The following NALCN variants were observed in gnomAD, a reference collection of about 807,000 sequenced individuals.
The protein encoded by NALCN is sodium leak channel NALCN.
A neutral mutation model predicts 225.3 loss-of-function variants in NALCN; 111 were observed. The observed-to-expected ratio is 0.49, with a 90% CI of 0.42 to 0.58. NALCN has a LOEUF of 0.58. Ranked by LOEUF, NALCN falls within the 20% of genes least tolerant of loss-of-function variation. NALCN has a pLI of 0.00. For synonymous variants in NALCN, 764 were observed against 769.0 expected, an observed-to-expected ratio of 0.99 and a Z score of 0.11; for missense variants, 1,378 against 2,202.4, an observed-to-expected ratio of 0.63 and a Z score of 7.49.
chr13:101,399,009 A>C lies in NALCN; in HGVS notation c.108+10T>G. 6.6e-7 allele frequency: 1 copy of C among 1,510,026 alleles called. No individual in the cohort carries two copies. Among genetic ancestry groups the C allele is most frequent in the Middle Eastern group, 1.7e-4 (1 of 5,854 alleles). 93.5% of individuals were successfully genotyped at this position (1,510,026 alleles called of 1,614,324 possible). ...ACATATGCTTCTCCATACTCAAAGA[A>C]GAAACTTACTGGTTTGTTAATCCAG... On this transcript the variant is annotated intron_variant, in intron 2 of 43. Coordinates refer to ENST00000251127, the MANE Select transcript of NALCN (RefSeq NM_052867.4).
At chr13:101,107,431 C>G in intron 22 of NALCN, 56 bp downstream of exon 22, 1 of 1,611,534 alleles carries the variant, frequency 6.2e-7, no homozygotes, top group Non-Finnish European at 8.5e-7. Flanking sequence ...TATGACAACA[C>G]CCCTGCTGTT....
chr13:101,168,950 C>T (rs1158408904), intron 15 of NALCN, among the ~76,000 whole-genome samples: 2 of 152,194 alleles, frequency 1.3e-5, no homozygotes, highest in Admixed American at 6.5e-5. Flanking sequence ...TCCTCCAACC[C>T]TCTTCACCTG....
At chr13:101,337,853 C>A (rs1202474398) in intron 7 of NALCN, among the ~76,000 whole-genome samples, 2 of 152,134 alleles carry the variant, frequency 1.3e-5, no homozygotes, top group East Asian at 3.9e-4. Flanking sequence ...CCTCAGCACA[C>A]GGGGCAGCAA....
At chr13:101,340,375 A>G (rs1424545733) in intron 7 of NALCN, among the ~76,000 whole-genome samples, 1 of 152,216 alleles carries the variant, frequency 6.6e-6, no homozygotes, top group Non-Finnish European at 1.5e-5. Flanking sequence ...AGGGAATCAT[A>G]TCAGATGCAG....
At chr13:101,070,595 A>C (rs1314153798) in intron 37 of NALCN, among the ~76,000 whole-genome samples, 1 of 152,222 alleles carries the variant, frequency 6.6e-6, no homozygotes, top group Non-Finnish European at 1.5e-5. Flanking sequence ...ACATCTCCTG[A>C]TACAGCTCTT....
At chr13:101,230,911 G>A (rs963152523) in intron 12 of NALCN, among the ~76,000 whole-genome samples, 35 of 152,098 alleles carry the variant, frequency 2.3e-4, no homozygotes, top group African/African-American at 7.5e-4. Flanking sequence ...TATGGGCCAC[G>A]TATAGGATGG....
intron 7 of NALCN, among the ~76,000 whole-genome samples, chr13:101,328,446 G>C (rs2139223463): frequency 6.6e-6 from 1 of 151,986 alleles, no homozygotes; most frequent in Admixed American, 6.6e-5. Context: ...CAAGTAGCTG[G>C]GACCACAGGC....
chr13:101,239,610 C>G (rs1382946535), intron 11 of NALCN, among the ~76,000 whole-genome samples: 1 of 151,906 alleles, frequency 6.6e-6, no homozygotes, highest in Non-Finnish European at 1.5e-5. Context: ...AACATTTTCT[C>G]TACTAATTCA....
intron 9 of NALCN, among the ~76,000 whole-genome samples, chr13:101,290,989 C>T (rs1338603607): frequency 6.6e-6 from 1 of 152,086 alleles, no homozygotes; most frequent in Non-Finnish European, 1.5e-5. Context: ...CAAAAACACA[C>T]ACGTGAAACA....
At chr13:101,357,544 CAAAT>C (rs1264002279) in intron 6 of NALCN, among the ~76,000 whole-genome samples, 1 of 152,080 alleles carries the variant, frequency 6.6e-6, no homozygotes, top group Non-Finnish European at 1.5e-5. Context: ...ACGACACAAA[CAAAT>C]GGAAAAACAT....
intron 10 of NALCN, among the ~76,000 whole-genome samples, chr13:101,261,421 C>T (rs1347939825): frequency 1.3e-5 from 2 of 152,084 alleles, no homozygotes; most frequent in East Asian, 1.9e-4. Flanking sequence ...GATTCAATTG[C>T]ATCTGTAGAC....
intron 15 of NALCN, among the ~76,000 whole-genome samples, chr13:101,162,170 C>G (rs1033339089): frequency 6.6e-6 from 1 of 152,200 alleles, no homozygotes; most frequent in Non-Finnish European, 1.5e-5. Context: ...AGTGTCTCTC[C>G]TTAAATGATG....
intron 6 of NALCN, among the ~76,000 whole-genome samples, chr13:101,346,087 C>CTCTATATATATATATATA: frequency 9.9e-5 from 7 of 70,930 alleles, no homozygotes; most frequent in African/African-American, 2.2e-4. Context: ...CTCTCTCTCT[C>CTCTATATATATATATATA]TATATATATA....
chr13:101,149,631 T>C (rs2037536709), intron 15 of NALCN, among the ~76,000 whole-genome samples: 1 of 152,208 alleles, frequency 6.6e-6, no homozygotes. Context: ...GAAGCTCTTT[T>C]TGGAGACTCA....
chr13:101,389,877 T>C (rs1448606742), intron 3 of NALCN, among the ~76,000 whole-genome samples: 1 of 151,836 alleles, frequency 6.6e-6, no homozygotes, highest in African/African-American at 2.4e-5. Context: ...AGGTCAGGAG[T>C]CTGAGACTGG....
chr13:101,056,890 G>A (rs1227719070), intron 43 of NALCN: 1 of 152,178 alleles, frequency 6.6e-6, no homozygotes, highest in Non-Finnish European at 1.5e-5. Flanking sequence ...TGTAATTTAT[G>A]ACCTGGCACC....
At chr13:101,077,056 G>A in intron 34 of NALCN, among the ~76,000 whole-genome samples, 1 of 152,224 alleles carries the variant, frequency 6.6e-6, no homozygotes, top group Admixed American at 6.5e-5. Context: ...AGGTCTGATA[G>A]TTTTATAAGG....
chr13:101,339,390 C>G (rs530021609), intron 7 of NALCN, among the ~76,000 whole-genome samples: 1 of 152,064 alleles, frequency 6.6e-6, no homozygotes, highest in Non-Finnish European at 1.5e-5. Context: ...CTTGAGTGCA[C>G]GGGCTAATGT....
chr13:101,188,665 T>C (rs905276177), intron 14 of NALCN, among the ~76,000 whole-genome samples: 2 of 135,990 alleles, frequency 1.5e-5, no homozygotes, highest in Non-Finnish European at 3.2e-5. Context: ...CGTGTGTGTG[T>C]GTGTCTGTGT....
Sources: gnomAD v4.1 joint callset for allele counts (sites outside exome capture counted in the v4.1 genomes callset) on GRCh38, gnomAD v4.1.1 for gene constraint, MANE v1.5 for transcripts, NCBI Gene and HGNC (gene_info 2026-07-23, HGNC 2026-07-21) for gene names.